The following PKHD1 variants were observed in gnomAD, a reference collection of about 807,000 sequenced individuals.
PKHD1 encodes the protein PKHD1 ciliary IPT domain containing fibrocystin/polyductin, also known as fibrocystin.
In PKHD1, 291 loss-of-function variants were observed where a neutral mutation model predicts 412.0. The ratio of observed to expected loss-of-function variants is 0.71; its 90% confidence interval spans 0.64 to 0.78. The LOEUF is 0.78. Among genes scored for constraint, PKHD1 ranks in the 30% least tolerant of loss-of-function variants. The pLI, the probability that PKHD1 is intolerant of heterozygous loss-of-function variation, is 0.00. For missense variants in PKHD1, 4,825 were observed against 4,950.7 expected (o/e 0.97, Z 0.76); for synonymous variants, 1,777 against 1,821.5 (o/e 0.98, Z 0.62).
Position 52,066,088 on chromosome 6 carries a change from T to A in PKHD1, c.779-11A>T, listed in dbSNP as rs370486170. ...ACACAGATAATATTTCTGCAAGAGTTAAAAAAAAAAAAAAGTAAGCTTCCA... is the reference window on the plus strand; with the variant it reads ...ACACAGATAATATTTCTGCAAGAGTAAAAAAAAAAAAAAAGTAAGCTTCCA... On this transcript the variant is annotated splice_polypyrimidine_tract_variant and intron_variant, in intron 11 of 66. Coordinates refer to ENST00000371117, the MANE Select transcript of PKHD1 (RefSeq NM_138694.4). The A allele has an allele frequency of 4.5e-5, 43 of 959,362 alleles. No homozygotes were observed. Among genetic ancestry groups the A allele is most frequent in the African/African-American group, 1.3e-4 (8 of 60,246 alleles). 59.4% of individuals were successfully genotyped at this position (959,362 alleles called of 1,614,324 possible).
chr6:51,766,859 A>G (rs957166045), intron 55 of PKHD1, among the ~76,000 whole-genome samples: 6 of 151,926 alleles, frequency 3.9e-5, no homozygotes, highest in African/African-American at 9.7e-5. Flanking sequence ...AGAAATATTG[A>G]CCTTGTTATA....
chr6:51,630,687 AT>A, intron 65 of PKHD1, among the ~76,000 whole-genome samples: 1 of 152,262 alleles, frequency 6.6e-6, no homozygotes, highest in Non-Finnish European at 1.5e-5. Context: ...ATCTTTTTTT[AT>A]GAGTAAGTTG....
At chr6:51,889,272 G>A (rs968554547) in intron 43 of PKHD1, among the ~76,000 whole-genome samples, 1 of 152,180 alleles carries the variant, frequency 6.6e-6, no homozygotes, top group Middle Eastern at 3.4e-3. Context: ...AGAGAATGGG[G>A]AGTCATAAGG....
intron 66 of PKHD1, among the ~76,000 whole-genome samples, chr6:51,620,673 C>A (rs140013193): frequency 6.6e-5 from 10 of 151,532 alleles, no homozygotes; most frequent in African/African-American, 1.9e-4. Context: ...AGATAGTAAT[C>A]CTGTCTGATT....
chr6:51,999,402 C>T (rs1320961241), intron 35 of PKHD1, among the ~76,000 whole-genome samples: 11 of 152,182 alleles, frequency 7.2e-5, no homozygotes, highest in East Asian at 1.9e-4. Flanking sequence ...CGATGAAGTC[C>T]GTTTCCATAA....
chr6:51,615,488 T>C lies in PKHD1; in HGVS notation c.*3593A>G, dbSNP rs1765989588. The C allele has an allele frequency of 6.6e-6, 1 of 152,192 alleles. No individual in the cohort carries two copies. Among genetic ancestry groups the C allele is most frequent in the African/African-American group, 2.4e-5 (1 of 41,464 alleles). 9.4% of individuals were successfully genotyped at this position (152,192 alleles called of 1,614,324 possible). A position where few individuals can be genotyped will look rare whatever the true frequency, so the allele number is the denominator to read the frequency against. ...CTATACTCAATAGTATTTAATTCCT[T>C]GTGCTTATAGTTTTTTCAAAATTGG... On this transcript the variant is annotated 3_prime_UTR_variant, in exon 67 of 67. Transcript: ENST00000371117.
At position 51,870,490 on chromosome 6, in the gene PKHD1, A is replaced by G; in HGVS notation, c.7486+14T>C. 1.2e-6 allele frequency: 2 copies of G among 1,602,880 alleles called. No individual in the cohort carries two copies. The highest frequency in any genetic ancestry group is 1.7e-6 in the Non-Finnish European group (2 of 1,170,046). Reference sequence around the variant, plus strand: ...GCCTTATTTATCATCTGTTCTGTCTATTCAAATAATTACCTTGTCCTTGGG... The same window carrying G: ...GCCTTATTTATCATCTGTTCTGTCTGTTCAAATAATTACCTTGTCCTTGGG... On this transcript the variant is annotated intron_variant, in intron 47 of 66. Transcript: ENST00000371117.
intron 43 of PKHD1, among the ~76,000 whole-genome samples, chr6:51,901,801 A>G (rs1781350456): frequency 6.6e-6 from 1 of 152,154 alleles, no homozygotes; most frequent in Admixed American, 6.5e-5. Context: ...AAACATATGC[A>G]TTGTATTTTT....
chr6:52,004,569 G>A (rs1798829573), intron 35 of PKHD1, among the ~76,000 whole-genome samples: 1 of 152,088 alleles, frequency 6.6e-6, no homozygotes, highest in Non-Finnish European at 1.5e-5. Flanking sequence ...TCTTGAAGGT[G>A]GAGATTTTTT....
Position 51,654,174 on chromosome 6 carries a change from T to A in PKHD1, c.11174+4778A>T, listed in dbSNP as rs189260676. Among the ~76,000 whole-genome samples the A allele has an allele frequency of 3.2e-3, 480 of 152,272 alleles. 1 individual carries two copies. The highest frequency in any genetic ancestry group is 0.011 in the African/African-American group (460 of 41,580). ...TGCTTAGGCACACTTGAGAATATAA[T>A]CATAAGTCGAAACCTTGACCACCTA... On this transcript the variant is annotated intron_variant, in intron 61 of 66. Coordinates refer to ENST00000371117, the MANE Select transcript of PKHD1 (RefSeq NM_138694.4).
chr6:51,965,315 G>T (rs1792647545), intron 35 of PKHD1, among the ~76,000 whole-genome samples: 1 of 152,132 alleles, frequency 6.6e-6, no homozygotes, highest in Admixed American at 6.6e-5. Context: ...AGATGGCCTT[G>T]CAGGGGAAAT....
At chr6:51,931,822 GGA>G (rs151119264) in intron 37 of PKHD1, among the ~76,000 whole-genome samples, 1 of 151,286 alleles carries the variant, frequency 6.6e-6, no homozygotes, top group Non-Finnish European at 1.5e-5. Context: ...AGGAAAAGGG[GGA>G]GAGAGAGAGA....
chr6:52,066,085 AG>A lies in PKHD1; in HGVS notation c.779-9del. On this transcript the variant is annotated splice_polypyrimidine_tract_variant and intron_variant, in intron 11 of 66. Coordinates refer to ENST00000371117, the MANE Select transcript of PKHD1 (RefSeq NM_138694.4). Reference sequence around the variant, plus strand: ...GAAACACAGATAATATTTCTGCAAGAGTTAAAAAAAAAAAAAAGTAAGCTTC... The same window carrying A: ...GAAACACAGATAATATTTCTGCAAGATTAAAAAAAAAAAAAAGTAAGCTTC... 2 of 1,179,188 alleles carry A rather than the reference AG, an allele frequency of 1.7e-6. No homozygotes were observed. The highest frequency in any genetic ancestry group is 2.4e-6 in the Non-Finnish European group (2 of 817,926). The allele number at this position is 1,179,188 out of a possible 1,614,324, so 73.0% of individuals were successfully genotyped here.
intron 64 of PKHD1, 50 bp downstream of exon 64, chr6:51,638,799 C>CAA (rs376358912): frequency 0.063 from 52,059 of 828,606 alleles, 190 homozygotes; most frequent in Admixed American, 0.086. Context: ...ATTATCTTCT[C>CAA]AAAAAAAAAA....
At chr6:51,915,371 C>T (rs550747952) in intron 37 of PKHD1, among the ~76,000 whole-genome samples, 1 of 152,210 alleles carries the variant, frequency 6.6e-6, no homozygotes, top group East Asian at 1.9e-4. Context: ...TCACACTTAA[C>T]ACAACTGCAA....
intron 14 of PKHD1, among the ~76,000 whole-genome samples, chr6:52,060,826 A>G (rs1282547433): frequency 6.6e-6 from 1 of 152,120 alleles, no homozygotes; most frequent in Non-Finnish European, 1.5e-5. Flanking sequence ...TTCAAACATA[A>G]CTACTTTAAA....
At chr6:51,800,379 G>A (rs1007889836) in intron 52 of PKHD1, among the ~76,000 whole-genome samples, 2 of 151,946 alleles carry the variant, frequency 1.3e-5, no homozygotes, top group Non-Finnish European at 2.9e-5. Context: ...TGCACCAAAT[G>A]CAACAACAAC....
At chr6:52,055,133 G>A (rs1206942293) in intron 19 of PKHD1, among the ~76,000 whole-genome samples, 4 of 152,198 alleles carry the variant, frequency 2.6e-5, no homozygotes, top group Non-Finnish European at 5.9e-5. Flanking sequence ...TCCTAACTGT[G>A]CAGGCACTTT....
intron 53 of PKHD1, among the ~76,000 whole-genome samples, chr6:51,776,152 G>T (rs1198717782): frequency 2.6e-5 from 4 of 151,846 alleles, no homozygotes; most frequent in South Asian, 2.1e-4. Context: ...TCTTTATTAG[G>T]GCAGTGTAAA....
Sources: allele counts gnomAD v4.1 joint callset (sites outside exome capture counted in the v4.1 genomes callset), GRCh38; gene constraint gnomAD v4.1.1; transcripts MANE v1.5; gene names NCBI Gene and HGNC (gene_info 2026-07-23, HGNC 2026-07-21).